The following HEMK2 variants were observed in gnomAD, a reference collection of about 807,000 sequenced individuals.
HEMK2 encodes HemK methyltransferase 2, ETF1 glutamine and histone H4 lysine, also known as methyltransferase HEMK2.
chr21:28,881,525 A>G, the HEMK2 span, among the ~76,000 whole-genome samples: 1 of 152,200 alleles, frequency 6.6e-6, no homozygotes, highest in East Asian at 1.9e-4. Context: ...TGAAGGGAAG[A>G]CTGCCTAGGA....
the HEMK2 span, among the ~76,000 whole-genome samples, chr21:28,853,698 C>A: frequency 6.6e-6 from 1 of 152,194 alleles, no homozygotes; most frequent in African/African-American, 2.4e-5. Context: ...TAGGGTTTAT[C>A]TCCTCAGACA....
chr21:28,831,478 A>AGAAAGAAAGAAAGAAG, the HEMK2 span, among the ~76,000 whole-genome samples: 1 of 47,316 alleles, frequency 2.1e-5, no homozygotes, highest in African/African-American at 1.1e-4. Flanking sequence ...AAAGAAAGAA[A>AGAAAGAAAGAAAGAAG]GAAAGAAAGA....
chr21:28,679,287 GA>G, the HEMK2 span, among the ~76,000 whole-genome samples: 2 of 152,134 alleles, frequency 1.3e-5, no homozygotes, highest in Non-Finnish European at 2.9e-5. Flanking sequence ...AAGATCAAAA[GA>G]GACAAAGAAG....
the HEMK2 span, among the ~76,000 whole-genome samples, chr21:28,835,636 G>T: frequency 1.3e-5 from 2 of 152,030 alleles, no homozygotes; most frequent in East Asian, 1.9e-4. Context: ...AAACCAAGAA[G>T]AAATCCCTGA....
At chr21:28,623,978 A>G in the HEMK2 span, among the ~76,000 whole-genome samples, 394 of 152,288 alleles carry the variant, frequency 2.6e-3, 2 homozygotes, top group African/African-American at 8.8e-3. Flanking sequence ...AACTTAAAGT[A>G]TTAAAAAAAA....
the HEMK2 span, among the ~76,000 whole-genome samples, chr21:28,728,585 G>C: frequency 9.1e-3 from 1,392 of 152,226 alleles, 11 homozygotes; most frequent in Middle Eastern, 0.014. Context: ...CAGACCACAG[G>C]GGGTGGAAAA....
chr21:28,800,470 C>T, the HEMK2 span, among the ~76,000 whole-genome samples: 1 of 151,828 alleles, frequency 6.6e-6, no homozygotes, highest in East Asian at 1.9e-4. Context: ...TGATCTGTAC[C>T]CATTATATTA....
the HEMK2 span, among the ~76,000 whole-genome samples, chr21:28,645,144 C>T: frequency 1.3e-5 from 2 of 152,158 alleles, no homozygotes; most frequent in Non-Finnish European, 2.9e-5. Context: ...ACACACAGGG[C>T]ACATTTTCCT....
the HEMK2 span, among the ~76,000 whole-genome samples, chr21:28,690,296 C>G: frequency 0.015 from 2,328 of 152,192 alleles, 28 homozygotes; most frequent in South Asian, 0.026. Context: ...TAATAGCCAT[C>G]AATAAAACAG....
chr21:28,609,399 C>T, the HEMK2 span, among the ~76,000 whole-genome samples: 3 of 152,056 alleles, frequency 2.0e-5, no homozygotes, highest in Non-Finnish European at 4.4e-5. Flanking sequence ...AACTGAACAG[C>T]AGCCCTTGAG....
the HEMK2 span, among the ~76,000 whole-genome samples, chr21:28,816,297 T>C: frequency 6.6e-6 from 1 of 152,230 alleles, no homozygotes; most frequent in Non-Finnish European, 1.5e-5. Context: ...ACTAAATAGT[T>C]TGGAAATTTA....
chr21:28,786,667 CAA>C, the HEMK2 span, among the ~76,000 whole-genome samples: 11,620 of 91,864 alleles, frequency 0.13, 482 homozygotes, highest in Middle Eastern at 0.22. Flanking sequence ...GTGAGACTGT[CAA>C]AAAAAAAAAA....
the HEMK2 span, among the ~76,000 whole-genome samples, chr21:28,678,557 C>T: frequency 2.0e-5 from 3 of 152,130 alleles, no homozygotes; most frequent in African/African-American, 7.2e-5. Flanking sequence ...CACAAAGATA[C>T]TCCTCAAGAA....
At chr21:28,654,457 G>A in the HEMK2 span, among the ~76,000 whole-genome samples, 23 of 152,006 alleles carry the variant, frequency 1.5e-4, no homozygotes, top group African/African-American at 5.5e-4. Context: ...TCTTTTTTTG[G>A]TGGTAGAAAG....
At chr21:28,792,182 T>C in the HEMK2 span, among the ~76,000 whole-genome samples, 4 of 152,068 alleles carry the variant, frequency 2.6e-5, no homozygotes, top group Admixed American at 2.6e-4. Flanking sequence ...CCTGGAAAAC[T>C]CACGAATAAT....
chr21:28,726,681 G>A, the HEMK2 span, among the ~76,000 whole-genome samples: 1 of 152,162 alleles, frequency 6.6e-6, no homozygotes, highest in Non-Finnish European at 1.5e-5. Flanking sequence ...GCCAAGGCCT[G>A]TGGATCACTT....
the HEMK2 span, among the ~76,000 whole-genome samples, chr21:28,596,533 T>C: frequency 6.6e-6 from 1 of 152,188 alleles, no homozygotes; most frequent in Non-Finnish European, 1.5e-5. Flanking sequence ...TAATCCAGGA[T>C]ATACAGTGAA....
chr21:28,653,037 T>C, the HEMK2 span, among the ~76,000 whole-genome samples: 1 of 152,052 alleles, frequency 6.6e-6, no homozygotes, highest in African/African-American at 2.4e-5. Context: ...TTAATTTGCA[T>C]GTAATTGAAA....
At chr21:28,599,813 C>G in the HEMK2 span, among the ~76,000 whole-genome samples, 1 of 152,242 alleles carries the variant, frequency 6.6e-6, no homozygotes, top group African/African-American at 2.4e-5. Flanking sequence ...ATAAATACAC[C>G]CATTCCAAAT....
Sources: allele counts gnomAD v4.1 joint callset (sites outside exome capture counted in the v4.1 genomes callset), GRCh38; gene constraint gnomAD v4.1.1; transcripts MANE v1.5; gene names NCBI Gene and HGNC (gene_info 2026-07-23, HGNC 2026-07-21).